Variants in KIF1C observed in about 807,000 individuals in gnomAD.
KIF1C encodes the protein kinesin family member 1C, also known as kinesin-like protein KIF1C.
KIF1C carries 61 observed loss-of-function variants against 126.5 expected under a neutral mutation model. The ratio of observed to expected loss-of-function variants is 0.48; its 90% CI spans 0.39 to 0.60. The LOEUF is 0.60. Ranked by LOEUF, KIF1C falls within the 20% of genes least tolerant of loss-of-function variation. The pLI is 0.00. For synonymous variants in KIF1C, 640 were observed against 580.6 expected, an observed-to-expected ratio of 1.10 and a Z score of -1.47; for missense variants, 1,315 against 1,489.2, an observed-to-expected ratio of 0.88 and a Z score of 1.93.
chr17:5,000,415 C>T (rs1388422989), intron 3 of KIF1C, 63 bp downstream of exon 3: 5 of 1,144,374 alleles, frequency 4.4e-6, no homozygotes, highest in East Asian at 5.1e-5. Context: ...CCACACAGGC[C>T]AGTCCCGCTG....
chr17:5,016,298 C>T (rs1010777442), intron 18 of KIF1C, among the ~76,000 whole-genome samples: 3 of 151,820 alleles, frequency 2.0e-5, no homozygotes, highest in Admixed American at 6.6e-5. Context: ...CCACCACACC[C>T]GGCTAATTTT....
At position 5,004,838 on chromosome 17, in the gene KIF1C, G is replaced by A; in HGVS notation, c.1020-17G>A. 3 of 1,614,140 alleles carry A rather than the reference G, an allele frequency of 1.9e-6. No homozygotes were observed. Among genetic ancestry groups the A allele is most frequent in the Non-Finnish European group, 2.5e-6 (3 of 1,180,016 alleles). On this transcript the variant is annotated splice_polypyrimidine_tract_variant and intron_variant, in intron 12 of 22. Transcript: ENST00000320785. ...CCTGCCCCCAGGCCTCACCGACCCT[G>A]CTCCTCTGTCACCCAGGTATGCTGA...
chr17:5,013,786 C>G (rs1597855919), intron 17 of KIF1C, 54 bp downstream of exon 17: 1 of 1,415,562 alleles, frequency 7.1e-7, no homozygotes, highest in African/African-American at 1.4e-5. Flanking sequence ...GGTGTGGCTG[C>G]CAAGGGTTGT....
At position 5,023,179 on chromosome 17, in the gene KIF1C, T is replaced by A. The variant is rs1176436128; in HGVS notation, c.2629-289T>A. 1.3e-5 allele frequency among the ~76,000 whole-genome samples: 2 copies of A among 151,926 alleles called. No individual in the cohort carries two copies. Among genetic ancestry groups the A allele is most frequent in the Non-Finnish European group, 2.9e-5 (2 of 67,968 alleles). On this transcript the variant is annotated intron_variant, in intron 22 of 22. Transcript: ENST00000320785. This position sits in a 1 kb window ranked among gnomAD's most constrained non-coding sequence, Gnocchi z 4.2. ...ACAGGCGCGCACCACCACACCCGGC[T>A]AATTTTTTTTTTTTGTATTTTAGTA... is the stretch of plus-strand genomic sequence containing the variant.
At position 5,005,128 on chromosome 17, in the gene KIF1C, A is replaced by T. The variant is rs1423170601; in HGVS notation, c.1165+128A>T. 2.6e-6 allele frequency: 3 copies of T among 1,150,470 alleles called. No individual in the cohort carries two copies. In the East Asian group the frequency reaches 7.1e-5, roughly 27 times the overall value. 71.3% of individuals were successfully genotyped at this position (1,150,470 alleles called of 1,614,324 possible). ...TATGAAACCTTTCATGTGCTCAGTGACGTGGACACAGATGTGGAGAGGGAA... is the reference window on the plus strand; with the variant it reads ...TATGAAACCTTTCATGTGCTCAGTGTCGTGGACACAGATGTGGAGAGGGAA... On this transcript the variant is annotated intron_variant, in intron 13 of 22. Coordinates refer to ENST00000320785, the MANE Select transcript of KIF1C (RefSeq NM_006612.6).
chr17:5,013,593 T>C lies in KIF1C; in HGVS notation c.1492-60T>C, dbSNP rs1308329173. 3.9e-6 allele frequency: 5 copies of C among 1,282,530 alleles called. No individual in the cohort carries two copies. In the East Asian group the frequency reaches 9.3e-5, roughly 24 times the overall value. The allele number at this position is 1,282,530 out of a possible 1,614,324, so 79.4% of individuals were successfully genotyped here. A position where few individuals can be genotyped will look rare whatever the true frequency, so the allele number is the denominator to read the frequency against. On this transcript the variant is annotated intron_variant, in intron 16 of 22. Transcript: ENST00000320785. ...GGGTGTCTCCTCCCACCGCTCCCTTTCTTCCTTTCTATAGCACCCCTGGCT... is the reference window on the plus strand; with the variant it reads ...GGGTGTCTCCTCCCACCGCTCCCTTCCTTCCTTTCTATAGCACCCCTGGCT...
chr17:5,024,615 A>G lies in KIF1C; in HGVS notation c.*464A>G. The G allele has an allele frequency of 6.4e-6, 1 of 156,504 alleles. No individual in the cohort carries two copies. The highest frequency in any genetic ancestry group is 1.4e-5 in the Non-Finnish European group (1 of 70,752). 9.7% of individuals were successfully genotyped at this position (156,504 alleles called of 1,614,324 possible). A position where few individuals can be genotyped will look rare whatever the true frequency, so the allele number is the denominator to read the frequency against. On this transcript the variant is annotated 3_prime_UTR_variant, in exon 23 of 23. Transcript: ENST00000320785. ...TCATAAGTCATTCCCCTCCCCTTCC[A>G]GGCCTCCTGCTATATTTGGGGGACC...
intron 4 of KIF1C, among the ~76,000 whole-genome samples, 187 bp downstream of exon 4, chr17:5,001,035 T>TG (rs1974576932): frequency 6.6e-6 from 1 of 151,696 alleles, no homozygotes; most frequent in Non-Finnish European, 1.5e-5. Context: ...CGGAATCCCT[T>TG]GGGGTAATTA....
intron 16 of KIF1C, among the ~76,000 whole-genome samples, chr17:5,010,476 C>T (rs183477667): frequency 2.5e-4 from 38 of 152,018 alleles, no homozygotes; most frequent in East Asian, 1.8e-3. Context: ...AGGCCGGGTG[C>T]GGTGGCTCAC....
intron 14 of KIF1C, 39 bp from the exon 15 acceptor site, chr17:5,007,224 C>G (rs1273004257): frequency 6.3e-7 from 1 of 1,583,910 alleles, no homozygotes; most frequent in Non-Finnish European, 8.6e-7. Context: ...GTCTGCTTGT[C>G]CCAGACCATC....
intron 6 of KIF1C, 129 bp from the exon 7 acceptor site, chr17:5,002,334 AG>A: frequency 1.0e-6 from 1 of 999,980 alleles, no homozygotes; most frequent in Non-Finnish European, 1.5e-6. Context: ...TCGCTGAGCT[AG>A]CATCTGCAGA....
At chr17:5,005,276 A>G (rs1229423641) in intron 13 of KIF1C, among the ~76,000 whole-genome samples, 1 of 152,226 alleles carries the variant, frequency 6.6e-6, no homozygotes, top group Non-Finnish European at 1.5e-5. Context: ...AAATGGCAAT[A>G]TATGCTTACA....
At chr17:5,013,847 C>CT (rs1355731568) in intron 17 of KIF1C, 115 bp downstream of exon 17, 3 of 733,068 alleles carry the variant, frequency 4.1e-6, no homozygotes, top group Non-Finnish European at 7.0e-6. Flanking sequence ...CCTCAGATCT[C>CT]TAAACAGCTG....
At chr17:5,016,200 C>T (rs961981821) in intron 18 of KIF1C, among the ~76,000 whole-genome samples, 5 of 150,482 alleles carry the variant, frequency 3.3e-5, no homozygotes, top group East Asian at 2.0e-4. Context: ...TGCAGTGGTG[C>T]GATCTCGACT....
At chr17:5,014,922 G>A in intron 18 of KIF1C, 85 bp downstream of exon 18, 1 of 1,143,020 alleles carries the variant, frequency 8.7e-7, no homozygotes, top group Non-Finnish European at 1.3e-6. Context: ...GGTCTGGGTT[G>A]GGCACCAGGG....
rs755727352 is a variant in KIF1C at position 5,002,525 on chromosome 17, G to T, written c.491G>T (p.Gly164Val). 1.9e-6 allele frequency: 3 copies of T among 1,613,928 alleles called. No homozygotes were observed. The highest frequency in any genetic ancestry group is 1.1e-5 in the South Asian group (1 of 91,066). Reference sequence around the variant, plus strand: ...GACCTCTTGAACCCCAAGAGTCGGGGTTCTCTGCGGGTCCGGGAGCACCCC... The same window carrying T: ...GACCTCTTGAACCCCAAGAGTCGGGTTTCTCTGCGGGTCCGGGAGCACCCC... ...VRDLLNPKSR[G>V]SLRVREHPIL... Residue 164 changes from glycine (G) to valine (V), a missense_variant, in exon 7 of 23, where the codon GGT becomes GTT. By Grantham distance (109) the Gly-to-Val change is moderately radical (BLOSUM62 -3). Transcript: ENST00000320785.
intron 8 of KIF1C, 134 bp from the exon 9 acceptor site, chr17:5,003,478 G>A (rs572895087): frequency 9.7e-6 from 6 of 616,878 alleles, no homozygotes; most frequent in South Asian, 2.0e-5. Flanking sequence ...TGTTTCCCCC[G>A]GCCTCCTCCC....
chr17:5,020,021 A>G lies in KIF1C; in HGVS notation c.1692A>G (p.Glu564=), dbSNP rs1222539079. 6.2e-7 allele frequency: 1 copy of G among 1,605,586 alleles called. No homozygotes were observed. Among genetic ancestry groups the G allele is most frequent in the Middle Eastern group, 1.7e-4 (1 of 5,924 alleles). ...TGGTGGTCACTCTGGAGCCTTGTGA[A>G]GGAGCTGAGACATATGTGAATGGGA... ...GEVVVTLEPC[E]GAETYVNGKL... Residue 564 remains glutamate, a synonymous_variant, in exon 19 of 23, where the codon GAA becomes GAG. Coordinates refer to ENST00000320785, the MANE Select transcript of KIF1C (RefSeq NM_006612.6). This position sits in a 1 kb window ranked among gnomAD's most constrained non-coding sequence, Gnocchi z 5.8.
In KIF1C at chr17:5,018,833, A is replaced by T. The variant is rs238282; in HGVS notation, c.1667-1163A>T. 3.1e-3 allele frequency among the ~76,000 whole-genome samples: 477 copies of T among 152,188 alleles called. 3 individuals carry two copies. The highest frequency in any genetic ancestry group is 0.011 in the African/African-American group (439 of 41,494). ...AGGGATTTTTTGTTTTATATCACCA[A>T]TGTATTTCTGAGACCTAGTAAAATA... is the stretch of plus-strand genomic sequence containing the variant. On this transcript the variant is annotated intron_variant, in intron 18 of 22. Transcript: ENST00000320785.
Sources: allele counts gnomAD v4.1 joint callset (sites outside exome capture counted in the v4.1 genomes callset), GRCh38; gene constraint gnomAD v4.1.1; non-coding constraint Gnocchi (gnomAD v3.1); transcripts MANE v1.5; gene names NCBI Gene and HGNC (gene_info 2026-07-23, HGNC 2026-07-21).